The following IL36B variants were observed in gnomAD, a reference collection of about 807,000 sequenced individuals.
IL36B encodes interleukin-36 beta.
Under a neutral mutation model 19.3 loss-of-function variants are expected in IL36B, and 23 were observed. That is an observed-to-expected ratio of 1.19 (90% CI 0.86 to 1.69). IL36B has a LOEUF of 1.69. Among genes scored for constraint, IL36B ranks in the 40% most tolerant of loss-of-function variants. The pLI is 0.00. For missense variants in IL36B, 217 were observed against 200.5 expected (o/e 1.08, Z -0.50); for synonymous variants, 59 against 59.7 (o/e 0.99, Z 0.05).
At chr2:113,023,894 G>A (rs867085316) in intron 5 of IL36B, among the ~76,000 whole-genome samples, 20 of 152,102 alleles carry the variant, frequency 1.3e-4, no homozygotes, top group Admixed American at 2.6e-4. Flanking sequence ...CATCAACAAC[G>A]TTAAAATAAA....
Position 113,022,510 on chromosome 2 carries a change from G to T in IL36B, c.*164C>A. The T allele has an allele frequency of 1.8e-6, 1 of 566,812 alleles. No individual in the cohort carries two copies. The allele number at this position is 566,812 out of a possible 1,614,324, so 35.1% of individuals were successfully genotyped here. ...ACTCCGACCTTCTCTAGCTTTACAG[G>T]TAAGATTTACCAACTCTTTAAAAAT... On this transcript the variant is annotated 3_prime_UTR_variant, in exon 6 of 6. Transcript: ENST00000259213.
intron 4 of IL36B, chr2:113,027,915 A>G (rs1481670507): frequency 6.2e-7 from 1 of 1,614,100 alleles, no homozygotes; most frequent in Non-Finnish European, 8.5e-7. Context: ...ATTCCACAGA[A>G]TCTAAGTAGA....
chr2:113,046,135 G>T (rs375668452), intron 1 of IL36B, among the ~76,000 whole-genome samples: 1 of 151,164 alleles, frequency 6.6e-6, no homozygotes, highest in East Asian at 1.9e-4. Flanking sequence ...TTGCATACAT[G>T]TTACAATGAA....
intron 1 of IL36B, 138 bp from the exon 2 acceptor site, chr2:113,031,904 T>C (rs1685082615): frequency 1.8e-6 from 1 of 568,418 alleles, no homozygotes; most frequent in East Asian, 3.0e-5. Flanking sequence ...TATTTGAGAA[T>C]AAGGATGGGT....
intron 3 of IL36B, 102 bp downstream of exon 3, chr2:113,030,946 G>C (rs1351164246): frequency 1.3e-6 from 1 of 799,186 alleles, no homozygotes; most frequent in East Asian, 2.5e-5. Flanking sequence ...CTGGTGCCTA[G>C]AAGTGGGTGA....
chr2:113,026,289 C>A (rs1009983107), intron 4 of IL36B: 26 of 1,606,616 alleles, frequency 1.6e-5, no homozygotes, highest in Non-Finnish European at 2.2e-5. Flanking sequence ...GTTACACTGT[C>A]TCAAAGTTGG....
intron 4 of IL36B, chr2:113,027,947 C>T (rs747529659): frequency 5.0e-6 from 8 of 1,613,992 alleles, no homozygotes; most frequent in Non-Finnish European, 6.8e-6. Context: ...TTAGTTATGC[C>T]TCTCTCCTTG....
intron 4 of IL36B, 69 bp from the exon 5 acceptor site, chr2:113,028,184 G>A (rs1232661736): frequency 8.0e-7 from 1 of 1,254,634 alleles, no homozygotes; most frequent in African/African-American, 1.5e-5. Flanking sequence ...TCAGCTCTGA[G>A]TGTGTAACAG....
chr2:113,027,357 G>T, intron 4 of IL36B, 76 bp downstream of exon 5: 1 of 552,546 alleles, frequency 1.8e-6, no homozygotes, highest in Non-Finnish European at 2.3e-6. Flanking sequence ...GACCTGTGCA[G>T]TTCAAAATCG....
chr2:113,022,805 G>C (rs371066689), intron 5 of IL36B: 1 of 1,461,392 alleles, frequency 6.8e-7, no homozygotes. Flanking sequence ...TATCTCCTAG[G>C]CTTAGCAAGA....
At chr2:113,034,615 C>G (rs1357942449) in intron 1 of IL36B, among the ~76,000 whole-genome samples, 1 of 152,106 alleles carries the variant, frequency 6.6e-6, no homozygotes, top group Admixed American at 6.5e-5. Flanking sequence ...TGGGAACTAA[C>G]AAATATTTTT....
chr2:113,046,747 T>C (rs1044572485), intron 1 of IL36B, among the ~76,000 whole-genome samples: 2 of 152,192 alleles, frequency 1.3e-5, no homozygotes, highest in African/African-American at 4.8e-5. Flanking sequence ...ATGCTATTTT[T>C]ATTATATATC....
intron 1 of IL36B, among the ~76,000 whole-genome samples, chr2:113,032,443 G>T (rs867189183): frequency 2.8e-4 from 42 of 152,006 alleles, no homozygotes; most frequent in Admixed American, 1.2e-3. Context: ...AGAACCAGTT[G>T]TTCACAACCC....
chr2:113,050,846 G>A (rs1047905266), intron 1 of IL36B, among the ~76,000 whole-genome samples: 6 of 152,198 alleles, frequency 3.9e-5, no homozygotes, highest in South Asian at 2.1e-4. Context: ...CCCTTGCCTC[G>A]TCTAGTCCTG....
At chr2:113,046,233 G>A (rs1466416865) in intron 1 of IL36B, among the ~76,000 whole-genome samples, 1 of 141,120 alleles carries the variant, frequency 7.1e-6, no homozygotes, top group Non-Finnish European at 1.5e-5. Context: ...TTTTTGAGAC[G>A]GAGTCTGGCT....
At position 113,022,454 on chromosome 2, in the gene IL36B, G is replaced by T; in HGVS notation, c.*220C>A. ...AAGGACTGGACAAAACACATTTACA[G>T]GTTATGTAGTCCAAATCTACTCCTA... On this transcript the variant is annotated 3_prime_UTR_variant, in exon 6 of 6. Transcript: ENST00000259213. 1 of 445,406 alleles carries T rather than the reference G, an allele frequency of 2.2e-6. No individual in the cohort carries two copies. The highest frequency in any genetic ancestry group is 4.1e-6 in the Non-Finnish European group (1 of 246,612). The allele number at this position is 445,406 out of a possible 1,614,324, so 27.6% of individuals were successfully genotyped here. A position where few individuals can be genotyped will look rare whatever the true frequency, so the allele number is the denominator to read the frequency against.
chr2:113,046,014 G>A (rs1366767832), intron 1 of IL36B, among the ~76,000 whole-genome samples: 1 of 152,070 alleles, frequency 6.6e-6, no homozygotes, highest in East Asian at 1.9e-4. Context: ...TAATTTTACT[G>A]TGTTAGCTGC....
intron 4 of IL36B, chr2:113,027,486 G>A: frequency 2.0e-6 from 2 of 1,025,468 alleles, no homozygotes; most frequent in South Asian, 7.8e-5. Context: ...TCATTCTTCA[G>A]CTTTATCTTT....
At position 113,022,773 on chromosome 2, in the gene IL36B, T is replaced by C; in HGVS notation, c.396A>G (p.Arg132=). 1 of 1,605,058 alleles carries C rather than the reference T, an allele frequency of 6.2e-7. No individual in the cohort carries two copies. Among genetic ancestry groups the C allele is most frequent in the Middle Eastern group, 1.7e-4 (1 of 6,052 alleles). Residue 132 remains arginine, a synonymous_variant, in exon 6 of 6, where the codon AGA becomes AGG. Coordinates refer to ENST00000259213, the MANE Select transcript of IL36B (RefSeq NM_014438.5). ...GTTGAAAGGAACTCTTCCACTTCTT[T>C]CTACCTGCAGGAAAGGAGAAGTATC...
Sources: gnomAD v4.1 joint callset for allele counts (sites outside exome capture counted in the v4.1 genomes callset) on GRCh38, gnomAD v4.1.1 for gene constraint, MANE v1.5 for transcripts, NCBI Gene and HGNC (gene_info 2026-07-23, HGNC 2026-07-21) for gene names.